The following TRPC7 variants were observed in gnomAD, a reference collection of about 807,000 sequenced individuals.
TRPC7 encodes the protein transient receptor potential cation channel subfamily C member 7, also known as short transient receptor potential channel 7.
A neutral mutation model predicts 90.1 loss-of-function variants in TRPC7; 42 were observed. The observed-to-expected ratio is 0.47, with a 90% CI of 0.36 to 0.60. The LOEUF (loss-of-function observed/expected upper bound fraction) is 0.60, where lower values mean the gene tolerates loss of function less well. Among genes scored for constraint, TRPC7 ranks in the 20% least tolerant of loss-of-function variants. TRPC7 has a pLI of 0.00. For missense variants in TRPC7, 955 were observed against 1,112.3 expected (o/e 0.86, Z 2.01); for synonymous variants, 451 against 436.3 (o/e 1.03, Z -0.42).
chr5:136,352,197 C>A (rs1760215169), intron 2 of TRPC7, among the ~76,000 whole-genome samples: 1 of 152,138 alleles, frequency 6.6e-6, no homozygotes, highest in Non-Finnish European at 1.5e-5. Context: ...AAGAGAGATA[C>A]CCCTACCCCA....
chr5:136,277,801 G>A (rs1757415722), intron 3 of TRPC7, among the ~76,000 whole-genome samples: 1 of 152,226 alleles, frequency 6.6e-6, no homozygotes, highest in Non-Finnish European at 1.5e-5. Context: ...ATGATCAAAG[G>A]ATGGATGTCA....
intron 3 of TRPC7, among the ~76,000 whole-genome samples, chr5:136,278,679 G>A (rs1757447914): frequency 3.3e-5 from 5 of 152,180 alleles, no homozygotes; most frequent in Admixed American, 3.3e-4. Context: ...AAGAGCCAAG[G>A]AGGGAGGCAG....
chr5:136,316,925 T>C (rs1331914005), intron 2 of TRPC7, among the ~76,000 whole-genome samples: 1 of 152,230 alleles, frequency 6.6e-6, no homozygotes, highest in African/African-American at 2.4e-5. Context: ...ACATGGATTT[T>C]TCAGCCAATA....
Position 136,225,577 on chromosome 5 carries a change from T to C in TRPC7, c.2263-223A>G, listed in dbSNP as rs571042966. Among the ~76,000 whole-genome samples, 5 of 152,104 alleles carry C rather than the reference T, an allele frequency of 3.3e-5. No homozygotes were observed. The South Asian group carries it at 1.0e-3, about 32-fold the overall frequency. On this transcript the variant is annotated intron_variant, in intron 9 of 11. Transcript: ENST00000513104. ...GTTACAGAATATTTAGTCAACTTGG[T>C]TGGAAAGCACTGAATTAAGGTTACA...
At chr5:136,303,061 T>C (rs771559360) in intron 3 of TRPC7, among the ~76,000 whole-genome samples, 2 of 152,190 alleles carry the variant, frequency 1.3e-5, no homozygotes, top group South Asian at 2.1e-4. Flanking sequence ...ACACCCGGTC[T>C]GGCTTACAGT....
intron 2 of TRPC7, among the ~76,000 whole-genome samples, chr5:136,324,042 T>G (rs1759275181): frequency 6.6e-6 from 1 of 152,170 alleles, no homozygotes; most frequent in African/African-American, 2.4e-5. Flanking sequence ...TTTATAAAAT[T>G]TATATCTAGT....
chr5:136,254,650 G>A (rs1456409717), intron 5 of TRPC7, among the ~76,000 whole-genome samples: 2 of 152,196 alleles, frequency 1.3e-5, no homozygotes, highest in Non-Finnish European at 2.9e-5. Context: ...CAGGAGATTA[G>A]CATTGTTCTC....
chr5:136,270,429 A>G (rs995354897), intron 4 of TRPC7, among the ~76,000 whole-genome samples: 1 of 152,146 alleles, frequency 6.6e-6, no homozygotes, highest in African/African-American at 2.4e-5. Flanking sequence ...AGTACTCAAT[A>G]TATGGCACTG....
At chr5:136,357,590 C>T (rs1760433684) in intron 1 of TRPC7, among the ~76,000 whole-genome samples, 4 of 152,176 alleles carry the variant, frequency 2.6e-5, no homozygotes, top group Non-Finnish European at 1.5e-5. Context: ...GAATATGACT[C>T]AGTTGTCTGC....
chr5:136,266,135 G>T, intron 5 of TRPC7, 85 bp downstream of exon 5: 2 of 1,245,270 alleles, frequency 1.6e-6, no homozygotes, highest in South Asian at 1.2e-5. Flanking sequence ...CACTGAAGAG[G>T]AGAGGGAGAA....
intron 3 of TRPC7, among the ~76,000 whole-genome samples, chr5:136,289,187 A>T (rs577890925): frequency 6.6e-6 from 1 of 152,294 alleles, no homozygotes; most frequent in African/African-American, 2.4e-5. Flanking sequence ...TGGAGCCAAG[A>T]TGGCCGAATA....
chr5:136,305,682 T>C (rs919545990), intron 3 of TRPC7, among the ~76,000 whole-genome samples: 113 of 152,330 alleles, frequency 7.4e-4, no homozygotes, highest in Middle Eastern at 6.8e-3. Context: ...AATTCCTCAG[T>C]TTAGCCTTCC....
intron 6 of TRPC7, among the ~76,000 whole-genome samples, chr5:136,251,307 C>T (rs1012269987): frequency 5.9e-5 from 9 of 152,204 alleles, no homozygotes; most frequent in African/African-American, 2.2e-4. Flanking sequence ...TTTAGCGCTC[C>T]TGGATGCACA....
intron 3 of TRPC7, among the ~76,000 whole-genome samples, chr5:136,279,215 G>C (rs1757466041): frequency 6.6e-6 from 1 of 152,120 alleles, no homozygotes; most frequent in South Asian, 2.1e-4. Context: ...TCTAGACCAA[G>C]AGAGATTACT....
intron 10 of TRPC7, among the ~76,000 whole-genome samples, chr5:136,223,117 A>G (rs1466722359): frequency 6.6e-6 from 1 of 152,196 alleles, no homozygotes; most frequent in Non-Finnish European, 1.5e-5. Flanking sequence ...TGTGACAACT[A>G]TTTGAATAAG....
In TRPC7 at chr5:136,226,189, T is replaced by C. The variant is rs1478373655; in HGVS notation, c.2107A>G (p.Arg703Gly). 6.4e-7 allele frequency: 1 copy of C among 1,554,510 alleles called. No homozygotes were observed. Among genetic ancestry groups the C allele is most frequent in the Non-Finnish European group, 8.7e-7 (1 of 1,148,010 alleles). The change falls in exon 9 of 12, where the codon AGA (arginine) becomes GGA (glycine). Residue 703 changes from arginine (R) to glycine (G), a missense_variant. Around this residue, in one of 4 missense-constraint regions of TRPC7, gnomAD observed 296 missense variants for 422.7 expected, o/e 0.70. Transcript: ENST00000513104. ...AGATTAAAAGGAGCAGGTAGAGTTCTTCCTTCATCAAAGTAAGACAGCCAG... is the reference window on the plus strand; with the variant it reads ...AGATTAAAAGGAGCAGGTAGAGTTCCTCCTTCATCAAAGTAAGACAGCCAG... ...KLWLSYFDEG[R>G]TLPAPFNLVP...
intron 7 of TRPC7, among the ~76,000 whole-genome samples, chr5:136,236,777 G>T (rs765826805): frequency 8.5e-5 from 13 of 152,124 alleles, no homozygotes; most frequent in Non-Finnish European, 1.5e-4. Flanking sequence ...GAGGGTTCAG[G>T]GTGACAGGAA....
At chr5:136,241,846 G>A (rs568162006) in intron 7 of TRPC7, among the ~76,000 whole-genome samples, 6 of 152,202 alleles carry the variant, frequency 3.9e-5, no homozygotes, top group South Asian at 4.1e-4. Context: ...GTGAGCCACC[G>A]CGCCCAGCCT....
intron 11 of TRPC7, 25 bp downstream of exon 11, chr5:136,216,175 C>T (rs901022032): frequency 7.5e-6 from 12 of 1,595,268 alleles, no homozygotes; most frequent in South Asian, 3.4e-5. Flanking sequence ...TAAATCACCA[C>T]GTGGGTGGAA....
Sources: allele counts gnomAD v4.1 joint callset (sites outside exome capture counted in the v4.1 genomes callset), GRCh38; gene constraint gnomAD v4.1.1; regional missense constraint gnomAD v4.1.1; transcripts MANE v1.5; gene names NCBI Gene and HGNC (gene_info 2026-07-23, HGNC 2026-07-21).